GLB1L: variants seen among roughly 807,000 people sequenced by gnomAD.
GLB1L encodes galactosidase beta 1 like, also known as beta-galactosidase-1-like protein.
A neutral mutation model predicts 75.7 loss-of-function variants in GLB1L; 58 were observed. The observed-to-expected ratio is 0.77, with a 90% CI of 0.62 to 0.95. The LOEUF (loss-of-function observed/expected upper bound fraction) is 0.95. GLB1L is among the 40% of genes least tolerant of loss of function. The pLI, the probability that GLB1L is intolerant of heterozygous loss-of-function variation, is 0.00. For missense variants in GLB1L, 797 were observed against 805.5 expected, an observed-to-expected ratio of 0.99 and a Z score of 0.13; for synonymous variants, 296 against 303.0, an observed-to-expected ratio of 0.98 and a Z score of 0.24.
At chr2:219,238,660 GA>G (rs745446517) in intron 12 of GLB1L, 44 bp downstream of exon 12, 16 of 1,592,140 alleles carry the variant, frequency 1.0e-5, no homozygotes, top group Middle Eastern at 3.3e-4. Flanking sequence ...AGGCTATTTA[GA>G]AAAAAAAGGT....
At position 219,237,241 on chromosome 2, in the gene GLB1L, A is replaced by G. The variant is rs1951270136; in HGVS notation, c.1796T>C (p.Leu599Pro). Residue 599 changes from leucine (L) to proline (P), a missense_variant, in exon 17 of 17, where the codon CTC becomes CCC. Coordinates refer to ENST00000295759, the MANE Select transcript of GLB1L (RefSeq NM_001286423.2). Reference protein sequence around the residue: ...PRFLLFPRGALNKITLLELED... With the variant: ...PRFLLFPRGAPNKITLLELED... Reference sequence around the variant, plus strand: ...TAGTTCCAGCAATGTAATTTTGTTGAGGGCTCCCCTAGGAAACAGCAGGAA... The same window carrying G: ...TAGTTCCAGCAATGTAATTTTGTTGGGGGCTCCCCTAGGAAACAGCAGGAA... The G allele has an allele frequency of 6.2e-7, 1 of 1,614,106 alleles. No homozygotes were observed. The highest frequency in any genetic ancestry group is 2.2e-5 in the East Asian group (1 of 44,882).
At chr2:219,238,813 A>G in intron 11 of GLB1L, 34 bp from the exon 12 acceptor site, 1 of 1,570,430 alleles carries the variant, frequency 6.4e-7, no homozygotes, top group Non-Finnish European at 8.7e-7. Context: ...CCATAGGAAA[A>G]CCACAGAAAA....
intron 6 of GLB1L, 29 bp downstream of exon 6, chr2:219,240,162 C>T: frequency 6.2e-7 from 1 of 1,613,128 alleles, no homozygotes; most frequent in Non-Finnish European, 8.5e-7. Flanking sequence ...GTACCTTCTT[C>T]CCCTGCTCCA....
rs763648085 is a variant in GLB1L at position 219,239,606 on chromosome 2, G to A, written c.857C>T (p.Thr286Ile). ...NHSTRSVSAV[T>I]KGLENMLKLG... ...CTTGAGCATGTTCTCTAGTCCTTTG[G>A]TTACAGCTGACACAGACCGTGTGGA... The change falls in exon 9 of 17, where the codon ACC becomes ATC. Residue 286 changes from threonine to isoleucine, a missense_variant. Transcript: ENST00000295759. 22 of 1,614,034 alleles carry A rather than the reference G, an allele frequency of 1.4e-5. No homozygotes were observed. In the South Asian group the frequency reaches 1.9e-4, roughly 14 times the overall value.
At chr2:219,244,382 C>T (rs2125062024) in intron 1 of GLB1L, among the ~76,000 whole-genome samples, 1 of 152,256 alleles carries the variant, frequency 6.6e-6, no homozygotes, top group Middle Eastern at 3.4e-3. Flanking sequence ...GAATCAATGT[C>T]ATAACCAAAA....
chr2:219,242,780 T>C lies in GLB1L; in HGVS notation c.378A>G (p.Ala126=). 6.2e-7 allele frequency: 1 copy of C among 1,614,210 alleles called. No homozygotes were observed. The highest frequency in any genetic ancestry group is 8.5e-7 in the Non-Finnish European group (1 of 1,180,046). The change falls in exon 4 of 17, where the codon GCA becomes GCG. Residue 126 remains alanine, a synonymous_variant. Coordinates refer to ENST00000295759, the MANE Select transcript of GLB1L (RefSeq NM_001286423.2). The part of the protein sequence containing the change: ...VILRPGPYIC[A]EWEMGGLPSW... ...CCAGCTAACTCACCATCTCCCACTC[T>C]GCACAGATGTAAGGTCCTGGTCTCA...
chr2:219,239,089 T>C lies in GLB1L; in HGVS notation c.1062+3A>G. 6.3e-7 allele frequency: 1 copy of C among 1,577,982 alleles called. No individual in the cohort carries two copies. The highest frequency in any genetic ancestry group is 1.7e-5 in the Admixed American group (1 of 59,376). ...TTTGGAGCTTAATGAAATGGTAGGG[T>C]ACCTTGCTGATGACATCTCGAAGAG... is the stretch of plus-strand genomic sequence containing the variant. On this transcript the variant is annotated splice_donor_region_variant and intron_variant, in intron 11 of 16. Transcript: ENST00000295759.
Position 219,238,789 on chromosome 2 carries a change from G to C in GLB1L, c.1063-10C>G, listed in dbSNP as rs748563532. Reference sequence around the variant, plus strand: ...AAGGAACTTCCTGGAACTGAGCCCAGATTCTCTCAGGATCCATAGGAAAAC... The same window carrying C: ...AAGGAACTTCCTGGAACTGAGCCCACATTCTCTCAGGATCCATAGGAAAAC... On this transcript the variant is annotated splice_polypyrimidine_tract_variant and intron_variant, in intron 11 of 16. Transcript: ENST00000295759. 23 of 1,609,188 alleles carry C rather than the reference G, an allele frequency of 1.4e-5. No homozygotes were observed. In the East Asian group the frequency reaches 4.9e-4, roughly 34 times the overall value.
At chr2:219,242,151 C>A (rs995509881) in intron 5 of GLB1L, among the ~76,000 whole-genome samples, 2 of 152,100 alleles carry the variant, frequency 1.3e-5, no homozygotes, top group African/African-American at 4.8e-5. Flanking sequence ...CCTCGCCCAG[C>A]CAATTTTTTG....
At chr2:219,243,761 A>G (rs1951458409) in intron 1 of GLB1L, 118 bp from the exon 2 acceptor site, 1 of 595,618 alleles carries the variant, frequency 1.7e-6, no homozygotes, top group East Asian at 2.9e-5. Context: ...ACATCATGTT[A>G]AAGTGCAGTT....
In GLB1L at chr2:219,238,560, CTA is replaced by C; in HGVS notation, c.1160_1161del (p.Leu387ArgfsTer18). ...LHLVGHLLAF[L>X]DLLCPRGPIH... ...ATGGGCCCACGGGGGCAAAGCAAGT[CTA>C]GGAAAGCCAGTAAATGCCCAACCTA... On this transcript the variant is annotated frameshift_variant, in exon 13 of 17. Coordinates refer to ENST00000295759, the MANE Select transcript of GLB1L (RefSeq NM_001286423.2). LOFTEE classifies it high-confidence loss of function. 1 of 1,613,918 alleles carries C rather than the reference CTA, an allele frequency of 6.2e-7. No individual in the cohort carries two copies. Among genetic ancestry groups the C allele is most frequent in the East Asian group, 2.2e-5 (1 of 44,882 alleles).
chr2:219,240,898 C>A (rs1455879458), intron 5 of GLB1L, among the ~76,000 whole-genome samples: 1 of 151,464 alleles, frequency 6.6e-6, no homozygotes, highest in African/African-American at 2.4e-5. Flanking sequence ...TCATGGCCAA[C>A]ATGGCAAAAA....
chr2:219,244,821 G>A (rs1016822037), intron 1 of GLB1L, among the ~76,000 whole-genome samples: 1 of 152,172 alleles, frequency 6.6e-6, no homozygotes, highest in African/African-American at 2.4e-5. Context: ...GAGGAGGAGA[G>A]GAAAGGACAG....
At chr2:219,238,662 A>G in intron 12 of GLB1L, 43 bp downstream of exon 12, 1 of 1,603,994 alleles carries the variant, frequency 6.2e-7, no homozygotes, top group South Asian at 1.1e-5. Context: ...GCTATTTAGA[A>G]AAAAAAGGTG....
At chr2:219,242,705 G>C (rs1951420999) in intron 4 of GLB1L, 63 bp downstream of exon 4, 2 of 1,586,980 alleles carry the variant, frequency 1.3e-6, no homozygotes, top group Non-Finnish European at 1.7e-6. Context: ...AGTGTGGGCA[G>C]ATGGGAGTAG....
In GLB1L at chr2:219,240,086, A is replaced by G. The variant is rs770389704; in HGVS notation, c.555T>C (p.Asn185=). Residue 185 remains asparagine, a synonymous_variant, in exon 7 of 17, where the codon AAT becomes AAC. Transcript: ENST00000295759. Reference sequence around the variant, plus strand: ...CACAGGCTCTGTAGCTACCATATTCATTCTCCACCTGCCAGAGGGGAGGGA... The same window carrying G: ...CACAGGCTCTGTAGCTACCATATTCGTTCTCCACCTGCCAGAGGGGAGGGA... ...GGNIISIQVE[N]EYGSYRACDF... 6.8e-6 allele frequency: 11 copies of G among 1,613,996 alleles called. No individual in the cohort carries two copies. In the Admixed American group the frequency reaches 1.3e-4, roughly 20 times the overall value.
At chr2:219,243,791 C>G (rs529012499) in intron 1 of GLB1L, 148 bp from the exon 2 acceptor site, 61 of 548,352 alleles carry the variant, frequency 1.1e-4, no homozygotes, top group African/African-American at 9.7e-4. Context: ...GCTTCATCGA[C>G]ATCACCTGGG....
At chr2:219,242,352 G>C (rs1018391117) in intron 5 of GLB1L, among the ~76,000 whole-genome samples, 162 bp downstream of exon 5, 3 of 151,938 alleles carry the variant, frequency 2.0e-5, no homozygotes, top group Non-Finnish European at 4.4e-5. Context: ...AAGGATGGGG[G>C]TCTGTCTGGT....
At chr2:219,239,872 G>A in intron 7 of GLB1L, 39 bp from the exon 8 acceptor site, 1 of 1,614,174 alleles carries the variant, frequency 6.2e-7, no homozygotes, top group Admixed American at 1.7e-5. Flanking sequence ...AAATGTCGTG[G>A]AAGAGGTGTC....
Sources: allele counts gnomAD v4.1 joint callset (sites outside exome capture counted in the v4.1 genomes callset), GRCh38; gene constraint gnomAD v4.1.1; transcripts MANE v1.5; gene names NCBI Gene and HGNC (gene_info 2026-07-23, HGNC 2026-07-21).